Variants in KRT86 observed in about 807,000 individuals in gnomAD.
KRT86 encodes keratin, type II cuticular Hb6.
A neutral mutation model predicts 41.2 loss-of-function variants in KRT86; 30 were observed. That is an observed-to-expected ratio of 0.73 (90% confidence interval 0.54 to 0.99). The LOEUF (loss-of-function observed/expected upper bound fraction) is 0.99. KRT86 is among the 50% of genes least tolerant of loss of function. The pLI is 0.00. For synonymous variants in KRT86, 238 were observed against 238.1 expected (o/e 1.00, Z 0.00); for missense variants, 561 against 571.4 (o/e 0.98, Z 0.19).
intron 2 of KRT86, among the ~76,000 whole-genome samples, chr12:52,293,053 C>T (rs933521403): frequency 2.6e-5 from 4 of 152,136 alleles, no homozygotes; most frequent in Admixed American, 1.3e-4. Context: ...ACATGGGAGG[C>T]TAAGGCAGGA....
intron 2 of KRT86, among the ~76,000 whole-genome samples, chr12:52,285,749 G>A (rs944256961): frequency 6.6e-6 from 1 of 152,126 alleles, no homozygotes; most frequent in South Asian, 2.1e-4. Flanking sequence ...ATCAAATAGG[G>A]GCCTAGCACA....
chr12:52,301,096 G>A (rs931765431), intron 2 of KRT86, among the ~76,000 whole-genome samples: 2 of 152,102 alleles, frequency 1.3e-5, no homozygotes, highest in African/African-American at 4.8e-5. Context: ...GTGTGTGTGT[G>A]TGTGAGATGG....
At chr12:52,290,987 T>C in intron 2 of KRT86, 1 of 411,054 alleles carries the variant, frequency 2.4e-6, no homozygotes, top group Non-Finnish European at 4.1e-6. Context: ...CCCATCAGAC[T>C]GGGATCTCAG....
chr12:52,307,940 T>C (rs972012943), intron 9 of KRT86, among the ~76,000 whole-genome samples: 1 of 152,200 alleles, frequency 6.6e-6, no homozygotes, highest in Admixed American at 6.5e-5. Context: ...TTTGATTCAG[T>C]CCTCGCAAGA....
intron 2 of KRT86, chr12:52,286,726 T>C (rs1237672675): frequency 2.6e-6 from 4 of 1,542,292 alleles, no homozygotes; most frequent in South Asian, 1.1e-5. Context: ...CACTCCTTTT[T>C]CCAAACTCTG....
At chr12:52,300,784 C>T (rs1938354702) in intron 2 of KRT86, among the ~76,000 whole-genome samples, 1 of 152,224 alleles carries the variant, frequency 6.6e-6, no homozygotes, top group Non-Finnish European at 1.5e-5. Flanking sequence ...TATTTGATCT[C>T]ATATTCTGAG....
intron 2 of KRT86, chr12:52,288,275 C>A: frequency 6.2e-7 from 1 of 1,604,856 alleles, no homozygotes; most frequent in Non-Finnish European, 8.5e-7. Context: ...GGACTGCAAC[C>A]TCTACCCACA....
At chr12:52,297,026 C>T (rs2121276886) in intron 2 of KRT86, among the ~76,000 whole-genome samples, 1 of 152,362 alleles carries the variant, frequency 6.6e-6, no homozygotes, top group Admixed American at 6.5e-5. Context: ...ATCCTCTCCA[C>T]TCCTGCAAGG....
chr12:52,301,334 G>T lies in KRT86; in HGVS notation c.-4-579G>T, dbSNP rs114011141. On this transcript the variant is annotated intron_variant, in intron 2 of 10. Transcript: ENST00000423955. ...GTGGAGGAACTGGGTCCCTGAGAAG[G>T]TGACTAAGTTAGAGATTCTGTAAAC... Among the ~76,000 whole-genome samples the T allele has an allele frequency of 3.7e-3, 560 of 152,180 alleles. 2 individuals carry two copies. Among genetic ancestry groups the T allele is most frequent in the African/African-American group, 0.013 (523 of 41,506 alleles).
At chr12:52,278,069 G>A (rs538650088) in intron 2 of KRT86, among the ~76,000 whole-genome samples, 78 of 152,240 alleles carry the variant, frequency 5.1e-4, no homozygotes, top group African/African-American at 1.8e-3. Context: ...TCTCAACTCT[G>A]CCCCTCTCCC....
intron 1 of KRT86, among the ~76,000 whole-genome samples, chr12:52,275,607 C>T (rs1942545093): frequency 1.3e-5 from 2 of 152,214 alleles, no homozygotes; most frequent in Non-Finnish European, 2.9e-5. Context: ...TTCAGGCTTC[C>T]TTTGGCATCT....
intron 9 of KRT86, among the ~76,000 whole-genome samples, chr12:52,307,995 T>G (rs1036775816): frequency 6.6e-6 from 1 of 152,178 alleles, no homozygotes; most frequent in African/African-American, 2.4e-5. Flanking sequence ...TAGGCTGAGG[T>G]TGGCCCAAGC....
chr12:52,306,490 C>T (rs1353856139), intron 9 of KRT86: 1 of 740,108 alleles, frequency 1.4e-6, no homozygotes, highest in Admixed American at 2.8e-5. Context: ...CAGTCTTGTT[C>T]ATCTCAGTTG....
intron 2 of KRT86, chr12:52,291,557 C>T (rs1938126664): frequency 1.1e-5 from 17 of 1,553,896 alleles, no homozygotes; most frequent in Non-Finnish European, 1.2e-5. Flanking sequence ...CACCGCAGCC[C>T]TATTTATGCG....
chr12:52,304,801 G>C, intron 5 of KRT86, 131 bp from the exon 6 acceptor site: 1 of 1,039,870 alleles, frequency 9.6e-7, no homozygotes, highest in South Asian at 1.3e-5. Context: ...GGCCAGAAGG[G>C]AAGGAGAGGG....
intron 2 of KRT86, among the ~76,000 whole-genome samples, chr12:52,281,723 T>C (rs1937775557): frequency 6.6e-6 from 1 of 152,182 alleles, no homozygotes; most frequent in Admixed American, 6.5e-5. Context: ...GATTCTTTTT[T>C]TCCTTCTTAT....
chr12:52,305,888 C>T, intron 8 of KRT86, 100 bp downstream of exon 8: 13 of 1,603,762 alleles, frequency 8.1e-6, no homozygotes, highest in East Asian at 2.2e-5. Context: ...CATTCTCCAG[C>T]CCCTCTGTCC....
intron 2 of KRT86, among the ~76,000 whole-genome samples, chr12:52,296,799 A>G (rs1359532474): frequency 1.3e-5 from 2 of 152,160 alleles, no homozygotes; most frequent in Non-Finnish European, 2.9e-5. Context: ...CCTGCTTTCT[A>G]TGAGTAGAAA....
chr12:52,292,939 C>T (rs1286021275), intron 2 of KRT86, among the ~76,000 whole-genome samples: 1 of 152,140 alleles, frequency 6.6e-6, no homozygotes, highest in Non-Finnish European at 1.5e-5. Flanking sequence ...GAGTTCAAGA[C>T]CAGCCTCAGT....
Sources: allele counts gnomAD v4.1 joint callset (sites outside exome capture counted in the v4.1 genomes callset), GRCh38; gene constraint gnomAD v4.1.1; transcripts MANE v1.5; gene names NCBI Gene and HGNC (gene_info 2026-07-23, HGNC 2026-07-21).